CNOT10: variants seen among roughly 807,000 people sequenced by gnomAD.
CNOT10 encodes the protein CCR4-NOT transcription complex, subunit 10.
Under a neutral mutation model 94.6 loss-of-function variants are expected in CNOT10, and 30 were observed. The ratio of observed to expected loss-of-function variants is 0.32; its 90% confidence interval spans 0.24 to 0.43. CNOT10 has a LOEUF of 0.43. Among genes scored for constraint, CNOT10 ranks in the 20% least tolerant of loss-of-function variants. The pLI is 1.00. For missense variants in CNOT10, 759 were observed against 877.2 expected (o/e 0.87, Z 1.70); for synonymous variants, 289 against 301.6 (o/e 0.96, Z 0.43).
At chr3:32,699,976 T>C (rs918302785) in intron 1 of CNOT10, among the ~76,000 whole-genome samples, 1 of 115,828 alleles carries the variant, frequency 8.6e-6, no homozygotes, top group African/African-American at 3.5e-5. Context: ...TATCAGTTTC[T>C]TTTTTTTTTT....
At chr3:32,727,899 C>A in intron 10 of CNOT10, 29 bp downstream of exon 10, 1 of 1,553,904 alleles carries the variant, frequency 6.4e-7, no homozygotes, top group Non-Finnish European at 8.8e-7. Flanking sequence ...TCTTTTTAAA[C>A]CCTGTCTTCT....
At chr3:32,743,671 C>T (rs1411127450) in intron 13 of CNOT10, among the ~76,000 whole-genome samples, 8 of 152,030 alleles carry the variant, frequency 5.3e-5, no homozygotes, top group Non-Finnish European at 1.2e-4. Context: ...TATTGTCTTA[C>T]GGTGGTTAAA....
intron 14 of CNOT10, among the ~76,000 whole-genome samples, chr3:32,761,431 C>T (rs997641122): frequency 6.6e-6 from 1 of 152,174 alleles, no homozygotes; most frequent in African/African-American, 2.4e-5. Flanking sequence ...CTGTCTGGGT[C>T]ACCCACACTA....
intron 1 of CNOT10, chr3:32,695,531 C>T (rs2125496936): frequency 6.6e-7 from 1 of 1,505,882 alleles, no homozygotes; most frequent in Non-Finnish European, 8.8e-7. Flanking sequence ...TGGAATGTGT[C>T]TGTGCTTTCA....
At position 32,720,149 on chromosome 3, in the gene CNOT10, G is replaced by T; in HGVS notation, c.780G>T (p.Glu260Asp). 1 of 1,543,758 alleles carries T rather than the reference G, an allele frequency of 6.5e-7. No homozygotes were observed. Among genetic ancestry groups the T allele is most frequent in the Non-Finnish European group, 8.8e-7 (1 of 1,129,966 alleles). The change falls in exon 8 of 19, where the codon GAG becomes GAT. Residue 260 changes from glutamate (E) to aspartate (D), a missense_variant. Physicochemically the swap from Glu to Asp is conservative, Grantham distance 45. Transcript: ENST00000328834. ...CTCTCTTTCTTAAAAGCAATTTTGA[G>T]TACTTAAGAGGTAATTATCGAAAAG... ...APSLFLKSNF[E>D]YLRGNYRKAV...
chr3:32,696,488 T>C (rs1697075490), intron 1 of CNOT10, among the ~76,000 whole-genome samples: 1 of 152,140 alleles, frequency 6.6e-6, no homozygotes, highest in Non-Finnish European at 1.5e-5. Context: ...AAAATAATGG[T>C]TCGTTAACAT....
intron 14 of CNOT10, among the ~76,000 whole-genome samples, chr3:32,761,644 C>T (rs1700448582): frequency 6.6e-6 from 1 of 151,802 alleles, no homozygotes; most frequent in Non-Finnish European, 1.5e-5. Flanking sequence ...CAACCTCTGC[C>T]TCCCCAGTTC....
intron 17 of CNOT10, among the ~76,000 whole-genome samples, chr3:32,767,743 G>A (rs1275322820): frequency 1.3e-5 from 2 of 152,130 alleles, no homozygotes; most frequent in East Asian, 1.9e-4. Context: ...GGCATTGAGT[G>A]TATGAGTTAA....
chr3:32,753,999 C>A, intron 13 of CNOT10: 3 of 588,704 alleles, frequency 5.1e-6, no homozygotes, highest in Non-Finnish European at 8.4e-6. Flanking sequence ...GGGAAGGCCA[C>A]CAAGGCAGGA....
intron 13 of CNOT10, among the ~76,000 whole-genome samples, chr3:32,750,999 A>G (rs764809082): frequency 6.6e-6 from 1 of 152,230 alleles, no homozygotes; most frequent in Non-Finnish European, 1.5e-5. Context: ...CAAGAGTCTG[A>G]TAAAGAGTGT....
chr3:32,707,067 G>A (rs1305533433), intron 3 of CNOT10, among the ~76,000 whole-genome samples: 1 of 152,226 alleles, frequency 6.6e-6, no homozygotes, highest in Admixed American at 6.5e-5. Flanking sequence ...TTCTATGGAA[G>A]TGTTGGTCTT....
At chr3:32,709,635 T>G (rs1228306372) in intron 4 of CNOT10, among the ~76,000 whole-genome samples, 1 of 152,168 alleles carries the variant, frequency 6.6e-6, no homozygotes, top group East Asian at 1.9e-4. Context: ...TCTGAGGTGC[T>G]TCTCTTCTTT....
At chr3:32,726,556 C>CA (rs1698673147) in intron 9 of CNOT10, among the ~76,000 whole-genome samples, 1 of 151,614 alleles carries the variant, frequency 6.6e-6, no homozygotes, top group South Asian at 2.1e-4. Flanking sequence ...ATTAGCCGAG[C>CA]ATGGTGGCAG....
At chr3:32,707,319 G>A (rs2125521971) in intron 3 of CNOT10, among the ~76,000 whole-genome samples, 1 of 151,336 alleles carries the variant, frequency 6.6e-6, no homozygotes, top group East Asian at 1.9e-4. Context: ...TTAGCCTTTA[G>A]TGAAGCCCAT....
intron 17 of CNOT10, 114 bp from the exon 18 acceptor site, chr3:32,769,773 G>T: frequency 2.5e-6 from 2 of 784,688 alleles, no homozygotes; most frequent in Non-Finnish European, 2.2e-6. Context: ...TCCCTAGGAA[G>T]TCACGTGGGA....
intron 10 of CNOT10, among the ~76,000 whole-genome samples, chr3:32,732,525 GCAGTGAGCCGAGATCATGCCACTGTA>G (rs1243823641): frequency 6.6e-6 from 1 of 151,956 alleles, no homozygotes; most frequent in Admixed American, 6.6e-5. Context: ...GGCCGAAGTT[GCAGTGAGCCGAGATCATGCCACTGTA>G]CTCCATCCTG....
chr3:32,738,008 T>C (rs928522790), intron 13 of CNOT10, among the ~76,000 whole-genome samples: 1 of 152,178 alleles, frequency 6.6e-6, no homozygotes, highest in South Asian at 2.1e-4. Flanking sequence ...GGAAGATTGG[T>C]CCATACTTTT....
At chr3:32,693,007 G>A (rs961190126) in intron 1 of CNOT10, among the ~76,000 whole-genome samples, 2 of 152,058 alleles carry the variant, frequency 1.3e-5, no homozygotes, top group Non-Finnish European at 2.9e-5. Context: ...TCACAGCACC[G>A]CACTCTAGCC....
chr3:32,753,739 TTA>T, intron 13 of CNOT10: 1 of 1,600,192 alleles, frequency 6.2e-7, no homozygotes, highest in East Asian at 2.2e-5. Context: ...TTTAAACAGA[TTA>T]TTTCAGCAGA....
Sources: allele counts gnomAD v4.1 joint callset (sites outside exome capture counted in the v4.1 genomes callset), GRCh38; gene constraint gnomAD v4.1.1; transcripts MANE v1.5; gene names NCBI Gene and HGNC (gene_info 2026-07-23, HGNC 2026-07-21).